The following PTPN11 variants were observed in gnomAD, a reference collection of about 807,000 sequenced individuals.
PTPN11 encodes protein tyrosine phosphatase non-receptor type 11.
A neutral mutation model predicts 78.8 loss-of-function variants in PTPN11; 6 were observed. The ratio of observed to expected loss-of-function variants is 0.08; its 90% CI spans 0.04 to 0.15. The LOEUF (loss-of-function observed/expected upper bound fraction) is 0.15, where lower values mean the gene tolerates loss of function less well. Among genes scored for constraint, PTPN11 ranks in the 10% least tolerant of loss-of-function variants. PTPN11 has a pLI of 1.00. For missense variants in PTPN11, 386 were observed against 744.8 expected (o/e 0.52, Z 5.61); for synonymous variants, 221 against 263.5 (o/e 0.84, Z 1.56).
chr12:112,476,521 C>G (rs542494175), intron 7 of PTPN11, among the ~76,000 whole-genome samples: 64 of 152,308 alleles, frequency 4.2e-4, no homozygotes, highest in African/African-American at 1.4e-3. Context: ...GTAATCCCAG[C>G]ACTTTGGGAG....
At chr12:112,446,852 G>A (rs1592823185) in intron 2 of PTPN11, among the ~76,000 whole-genome samples, 1 of 152,060 alleles carries the variant, frequency 6.6e-6, no homozygotes, top group East Asian at 1.9e-4. Context: ...AGGATTACAG[G>A]CGTGAGCCAC....
chr12:112,419,180 G>T, intron 1 of PTPN11, 55 bp downstream of exon 1: 9 of 1,439,724 alleles, frequency 6.3e-6, no homozygotes, highest in Non-Finnish European at 7.3e-6. Context: ...CGCCGCGTTC[G>T]GTTAGCCCCG....
At chr12:112,428,313 A>G (rs1224393574) in intron 1 of PTPN11, among the ~76,000 whole-genome samples, 1 of 149,914 alleles carries the variant, frequency 6.7e-6, no homozygotes, top group African/African-American at 2.5e-5. Flanking sequence ...TGCAGGTTTC[A>G]TTTGTTGGTT....
chr12:112,459,908 T>TACACACACAC (rs56846748), intron 6 of PTPN11, among the ~76,000 whole-genome samples: 4 of 146,884 alleles, frequency 2.7e-5, no homozygotes, highest in Admixed American at 6.9e-5. Flanking sequence ...TCCTGATTGC[T>TACACACACAC]ACACACACAC....
chr12:112,418,952 C>A lies in PTPN11; in HGVS notation c.-160C>A. 3 of 860,466 alleles carry A rather than the reference C, an allele frequency of 3.5e-6. No individual in the cohort carries two copies. The South Asian group carries it at 4.4e-5, about 13-fold the overall frequency. The allele number at this position is 860,466 out of a possible 1,614,324, so 53.3% of individuals were successfully genotyped here. On this transcript the variant is annotated 5_prime_UTR_variant, in exon 1 of 16. Transcript: ENST00000351677. Reference sequence around the variant, plus strand: ...GGGCCGGGGGGCAGCTGCACAGTCTCCGGGATCCCCAGGCCTGGAGGGGGG... The same window carrying A: ...GGGCCGGGGGGCAGCTGCACAGTCTACGGGATCCCCAGGCCTGGAGGGGGG...
chr12:112,462,386 C>T (rs1314206862), intron 6 of PTPN11, among the ~76,000 whole-genome samples: 1 of 151,798 alleles, frequency 6.6e-6, no homozygotes, highest in East Asian at 1.9e-4. Flanking sequence ...CTTCCTGTGC[C>T]TTAGACTCAT....
chr12:112,460,361 A>G (rs944444299), intron 6 of PTPN11, among the ~76,000 whole-genome samples: 2 of 152,220 alleles, frequency 1.3e-5, no homozygotes, highest in South Asian at 2.1e-4. Flanking sequence ...AGCTTTATCA[A>G]TTATCCCTGT....
At chr12:112,439,466 G>GTATTAT (rs1260329861) in intron 1 of PTPN11, among the ~76,000 whole-genome samples, 1 of 150,734 alleles carries the variant, frequency 6.6e-6, no homozygotes, top group East Asian at 1.9e-4. Context: ...GCTAATTTTT[G>GTATTAT]TATTATTATT....
intron 1 of PTPN11, among the ~76,000 whole-genome samples, chr12:112,441,487 T>G (rs2037889498): frequency 6.6e-6 from 1 of 151,830 alleles, no homozygotes; most frequent in African/African-American, 2.4e-5. Context: ...GGTCTTGAAC[T>G]CCTGACCTCA....
At chr12:112,439,016 C>G (rs935946124) in intron 1 of PTPN11, among the ~76,000 whole-genome samples, 2 of 152,154 alleles carry the variant, frequency 1.3e-5, no homozygotes, top group Non-Finnish European at 1.5e-5. Flanking sequence ...ACCTGAAAGT[C>G]CAGGCACTCT....
At chr12:112,486,266 C>T (rs1024119328) in intron 10 of PTPN11, among the ~76,000 whole-genome samples, 3 of 152,092 alleles carry the variant, frequency 2.0e-5, no homozygotes, top group African/African-American at 7.2e-5. Context: ...CCATGCCAGA[C>T]GTCTTGGTTC....
chr12:112,463,069 TA>T (rs1424066618), intron 6 of PTPN11, among the ~76,000 whole-genome samples: 2 of 152,204 alleles, frequency 1.3e-5, no homozygotes, highest in Admixed American at 1.3e-4. Flanking sequence ...TGGTTAAATG[TA>T]AAAAATAGTG....
Position 112,506,993 on chromosome 12 carries a change from G to T in PTPN11, c.*1201G>T. On this transcript the variant is annotated 3_prime_UTR_variant, in exon 16 of 16. Transcript: ENST00000351677. ...TGATGATGATGATGATGATGATGAT[G>T]GTTTTTTCTAATCAGAAGAAAGCTG... 4.0e-6 allele frequency: 1 copy of T among 248,512 alleles called. No homozygotes were observed. Among genetic ancestry groups the T allele is most frequent in the Non-Finnish European group, 8.0e-6 (1 of 125,486 alleles). 15.4% of individuals were successfully genotyped at this position (248,512 alleles called of 1,614,324 possible). A position where few individuals can be genotyped will look rare whatever the true frequency, so the allele number is the denominator to read the frequency against.
chr12:112,445,666 A>G (rs1354324109), intron 1 of PTPN11, among the ~76,000 whole-genome samples: 95 of 130,092 alleles, frequency 7.3e-4, no homozygotes, highest in African/African-American at 2.7e-3. Context: ...TCTGAGATTG[A>G]GTTTCGCTCT....
chr12:112,502,387 TGTTAGTG>T, intron 14 of PTPN11, 131 bp downstream of exon 14: 1 of 777,744 alleles, frequency 1.3e-6, no homozygotes, highest in East Asian at 2.5e-5. Context: ...GTTGCCCTAC[TGTTAGTG>T]TATCTGTGAC....
At chr12:112,455,112 G>A (rs900999394) in intron 5 of PTPN11, among the ~76,000 whole-genome samples, 3 of 151,688 alleles carry the variant, frequency 2.0e-5, no homozygotes, top group East Asian at 1.9e-4. Context: ...GAGCTACCAC[G>A]CCCGGCCCTA....
At chr12:112,421,833 G>A (rs1453471282) in intron 1 of PTPN11, among the ~76,000 whole-genome samples, 1 of 152,016 alleles carries the variant, frequency 6.6e-6, no homozygotes, top group Non-Finnish European at 1.5e-5. Context: ...TTGCCATGTT[G>A]GCCAGGCTGG....
intron 4 of PTPN11, among the ~76,000 whole-genome samples, chr12:112,453,903 C>G (rs1039688810): frequency 2.0e-5 from 3 of 151,952 alleles, no homozygotes; most frequent in Admixed American, 1.3e-4. Flanking sequence ...CTCCTTCAAC[C>G]TCTCAAAGTG....
chr12:112,448,871 A>T (rs1451379828), intron 2 of PTPN11, among the ~76,000 whole-genome samples: 4 of 151,956 alleles, frequency 2.6e-5, no homozygotes, highest in African/African-American at 9.7e-5. Context: ...TTAAAATTAC[A>T]TGTGTCTTTT....
Sources: gnomAD v4.1 joint callset for allele counts (sites outside exome capture counted in the v4.1 genomes callset) on GRCh38, gnomAD v4.1.1 for gene constraint, MANE v1.5 for transcripts, NCBI Gene and HGNC (gene_info 2026-07-23, HGNC 2026-07-21) for gene names.